The following GRIK2 variants were observed in gnomAD, a reference collection of about 807,000 sequenced individuals.
GRIK2 encodes the protein glutamate receptor ionotropic, kainate 2.
In GRIK2, 32 loss-of-function variants were observed where a neutral mutation model predicts 100.3. The observed-to-expected ratio is 0.32, with a 90% CI of 0.24 to 0.43. GRIK2 has a LOEUF of 0.43. Among genes scored for constraint, GRIK2 ranks in the 20% least tolerant of loss-of-function variants. The pLI is 1.00. For synonymous variants in GRIK2, 417 were observed against 389.4 expected, an observed-to-expected ratio of 1.07 and a Z score of -0.83; for missense variants, 843 against 1,114.9, an observed-to-expected ratio of 0.76 and a Z score of 3.47.
chr6:101,554,853 CT>C (rs765533652), intron 2 of GRIK2, among the ~76,000 whole-genome samples: 2,120 of 129,394 alleles, frequency 0.016, 24 homozygotes, highest in Non-Finnish European at 0.017. Context: ...GATTTAAATA[CT>C]TTTTTTTTTC....
chr6:101,998,292 C>T (rs1217723527), intron 14 of GRIK2, among the ~76,000 whole-genome samples: 1 of 152,088 alleles, frequency 6.6e-6, no homozygotes, highest in African/African-American at 2.4e-5. Context: ...CTGCAGGTAA[C>T]CATGTAACAG....
At chr6:101,532,670 A>G (rs1196195701) in intron 2 of GRIK2, among the ~76,000 whole-genome samples, 1 of 151,684 alleles carries the variant, frequency 6.6e-6, no homozygotes, top group Non-Finnish European at 1.5e-5. Context: ...GGTAAAATAT[A>G]TGTTATGATG....
At chr6:101,620,130 C>A in intron 2 of GRIK2, 2 of 265,004 alleles carry the variant, frequency 7.5e-6, no homozygotes, top group Non-Finnish European at 1.2e-5. Context: ...AAGCAACTGC[C>A]CAAAATTATA....
intron 2 of GRIK2, among the ~76,000 whole-genome samples, chr6:101,564,496 CA>C (rs1777160345): frequency 6.6e-6 from 1 of 152,268 alleles, no homozygotes; most frequent in African/African-American, 2.4e-5. Flanking sequence ...AACCTGAATT[CA>C]AGTTGCTCAC....
chr6:101,950,363 C>T (rs910244145), intron 14 of GRIK2, among the ~76,000 whole-genome samples: 1 of 152,080 alleles, frequency 6.6e-6, no homozygotes, highest in African/African-American at 2.4e-5. Context: ...GACCAGAGGT[C>T]ACTTGAATAA....
At chr6:101,756,968 C>T (rs1293718938) in intron 7 of GRIK2, among the ~76,000 whole-genome samples, 1 of 152,100 alleles carries the variant, frequency 6.6e-6, no homozygotes, top group African/African-American at 2.4e-5. Context: ...ATTAGATATG[C>T]ATTTAATTTT....
chr6:102,017,724 G>A (rs1692294738), intron 14 of GRIK2, among the ~76,000 whole-genome samples: 1 of 151,902 alleles, frequency 6.6e-6, no homozygotes, highest in African/African-American at 2.4e-5. Context: ...ATTATTTTCA[G>A]TATATTTCTC....
At chr6:101,618,634 A>G (rs1007991209) in intron 2 of GRIK2, among the ~76,000 whole-genome samples, 3 of 151,882 alleles carry the variant, frequency 2.0e-5, no homozygotes, top group East Asian at 3.9e-4. Context: ...TGTTGAAGCA[A>G]TGTAGTGGCT....
chr6:102,031,252 T>A (rs1489712256), intron 14 of GRIK2, among the ~76,000 whole-genome samples: 3 of 151,010 alleles, frequency 2.0e-5, no homozygotes, highest in Non-Finnish European at 4.5e-5. Context: ...GTCTTAGTGA[T>A]CTCTTCAAAA....
At chr6:101,707,594 G>GTATATA (rs1193552049) in intron 7 of GRIK2, among the ~76,000 whole-genome samples, 31 of 106,116 alleles carry the variant, frequency 2.9e-4, no homozygotes, top group South Asian at 2.5e-3. Context: ...GTGTGTGTGT[G>GTATATA]TATATATGTG....
chr6:101,796,394 A>C (rs1252754551), intron 7 of GRIK2, among the ~76,000 whole-genome samples: 1 of 152,222 alleles, frequency 6.6e-6, no homozygotes, highest in Non-Finnish European at 1.5e-5. Flanking sequence ...TGTGAGAATA[A>C]GAGAAACCAC....
chr6:101,517,094 AT>A (rs1774624982), intron 2 of GRIK2, among the ~76,000 whole-genome samples: 1 of 152,094 alleles, frequency 6.6e-6, no homozygotes, highest in African/African-American at 2.4e-5. Context: ...ACTTATCTTC[AT>A]CACTTTTAAT....
chr6:101,441,703 G>T (rs896435180), intron 2 of GRIK2, among the ~76,000 whole-genome samples: 1 of 152,058 alleles, frequency 6.6e-6, no homozygotes, highest in African/African-American at 2.4e-5. Context: ...AAACATGTAT[G>T]GGGTTTGGTG....
At chr6:101,440,627 A>T (rs1286051218) in intron 2 of GRIK2, among the ~76,000 whole-genome samples, 2 of 152,198 alleles carry the variant, frequency 1.3e-5, no homozygotes, top group Non-Finnish European at 1.5e-5. Flanking sequence ...GCACCCATGC[A>T]GTTGTCCAAA....
At chr6:101,850,399 A>G (rs1256333997) in intron 10 of GRIK2, among the ~76,000 whole-genome samples, 1 of 151,912 alleles carries the variant, frequency 6.6e-6, no homozygotes, top group Non-Finnish European at 1.5e-5. Context: ...AGCAGGGGAT[A>G]TTTTATACAT....
chr6:102,024,566 GGT>G (rs1363619759), intron 14 of GRIK2, among the ~76,000 whole-genome samples: 1 of 151,052 alleles, frequency 6.6e-6, no homozygotes, highest in Non-Finnish European at 1.5e-5. Context: ...AAAAGAACAG[GGT>G]TTTGTACCTT....
At chr6:101,970,678 C>CT (rs1562076601) in intron 14 of GRIK2, among the ~76,000 whole-genome samples, 5 of 150,906 alleles carry the variant, frequency 3.3e-5, no homozygotes, top group African/African-American at 1.2e-4. Flanking sequence ...GCTACTCATG[C>CT]CCCATCCCAA....
At position 101,928,525 on chromosome 6, in the gene GRIK2, A is replaced by G; in HGVS notation, c.1978A>G (p.Thr660Ala). 1 of 1,605,298 alleles carries G rather than the reference A, an allele frequency of 6.2e-7. No homozygotes were observed. The stretch of plus-strand genomic sequence containing the variant: ...TACTGCTAACTTAGCCGCCTTTCTG[A>G]CAGTGGAACGCATGGAATCCCCTAT... ...SYTANLAAFLTVERMESPIDS... is the reference protein window; with the variant it reads ...SYTANLAAFLAVERMESPIDS... Residue 660 changes from threonine (T) to alanine (A), a missense_variant, in exon 14 of 17, where the codon ACA (threonine) becomes GCA (alanine). Coordinates refer to ENST00000369134, the MANE Select transcript of GRIK2 (RefSeq NM_021956.5).
chr6:101,402,664 C>T (rs1247041484), intron 2 of GRIK2, among the ~76,000 whole-genome samples: 1 of 152,150 alleles, frequency 6.6e-6, no homozygotes, highest in Non-Finnish European at 1.5e-5. Flanking sequence ...GGTGCCCACC[C>T]GGCGGGCAAG....
Sources: gnomAD v4.1 joint callset for allele counts (sites outside exome capture counted in the v4.1 genomes callset) on GRCh38, gnomAD v4.1.1 for gene constraint, MANE v1.5 for transcripts, NCBI Gene and HGNC (gene_info 2026-07-23, HGNC 2026-07-21) for gene names.